FRMD4A: variants seen among roughly 807,000 people sequenced by gnomAD.
The protein encoded by FRMD4A is FERM domain-containing protein 4A.
A neutral mutation model predicts 129.1 loss-of-function variants in FRMD4A; 29 were observed. The ratio of observed to expected loss-of-function variants is 0.22; its 90% CI spans 0.17 to 0.31. FRMD4A has a LOEUF of 0.31. FRMD4A is among the 10% of genes least tolerant of loss of function. The pLI, the probability that FRMD4A is intolerant of heterozygous loss-of-function variation, is 1.00. For missense variants in FRMD4A, 1,272 were observed against 1,375.8 expected (o/e 0.92, Z 1.19); for synonymous variants, 634 against 571.6 (o/e 1.11, Z -1.56).
chr10:13,766,729 A>G (rs983201250), intron 6 of FRMD4A, among the ~76,000 whole-genome samples: 2 of 152,082 alleles, frequency 1.3e-5, no homozygotes, highest in Non-Finnish European at 2.9e-5. Context: ...ACCACGATGG[A>G]GCAGAGCTCT....
intron 3 of FRMD4A, among the ~76,000 whole-genome samples, chr10:13,844,653 C>T (rs1170281013): frequency 6.6e-6 from 1 of 152,232 alleles, no homozygotes; most frequent in East Asian, 1.9e-4. Context: ...AATCCTCTTC[C>T]CTAAAAGAAA....
At chr10:13,890,749 T>C in intron 2 of FRMD4A, 1 of 985,334 alleles carries the variant, frequency 1.0e-6, no homozygotes. Flanking sequence ...AGGGAGTCCT[T>C]TGCGGGCATT....
At chr10:13,946,014 C>T (rs1416506581) in intron 2 of FRMD4A, among the ~76,000 whole-genome samples, 1 of 152,190 alleles carries the variant, frequency 6.6e-6, no homozygotes, top group Non-Finnish European at 1.5e-5. Context: ...CAGAGCAATG[C>T]ACCAGCACGT....
At chr10:14,326,038 GT>G (rs1843260102) in intron 2 of FRMD4A, 1 of 152,098 alleles carries the variant, frequency 6.6e-6, no homozygotes, top group Non-Finnish European at 1.5e-5. Flanking sequence ...AATTTTTTAT[GT>G]TATAAAATAT....
chr10:13,904,300 G>A (rs889726264), intron 2 of FRMD4A, among the ~76,000 whole-genome samples: 1 of 152,102 alleles, frequency 6.6e-6, no homozygotes, highest in African/African-American at 2.4e-5. Context: ...GCTTTCGCAC[G>A]GCCGTACATC....
At chr10:14,033,449 A>C (rs1446732505) in intron 2 of FRMD4A, among the ~76,000 whole-genome samples, 2 of 152,096 alleles carry the variant, frequency 1.3e-5, no homozygotes, top group Admixed American at 6.6e-5. Context: ...AGCTAATGTC[A>C]AGGAACCAAC....
chr10:13,990,522 A>G (rs746369238), intron 2 of FRMD4A, among the ~76,000 whole-genome samples: 42 of 152,246 alleles, frequency 2.8e-4, no homozygotes, highest in Non-Finnish European at 5.0e-4. Flanking sequence ...ATGTAACTTG[A>G]TATCTGCTCC....
chr10:13,910,573 C>A (rs12360235), intron 2 of FRMD4A, among the ~76,000 whole-genome samples: 2 of 152,204 alleles, frequency 1.3e-5, no homozygotes, highest in African/African-American at 4.8e-5. Context: ...TAACTTGGTT[C>A]TTCACCCTGC....
At chr10:13,912,345 G>C (rs1235945060) in intron 2 of FRMD4A, among the ~76,000 whole-genome samples, 1 of 152,072 alleles carries the variant, frequency 6.6e-6, no homozygotes, top group African/African-American at 2.4e-5. Context: ...AACACAGAGG[G>C]ACCATGTGAC....
At chr10:14,219,396 C>T (rs1843176145) in intron 2 of FRMD4A, among the ~76,000 whole-genome samples, 1 of 152,158 alleles carries the variant, frequency 6.6e-6, no homozygotes, top group African/African-American at 2.4e-5. Flanking sequence ...CCACAACCTC[C>T]CACAAATATT....
chr10:14,218,293 T>C (rs1843136483), intron 2 of FRMD4A, among the ~76,000 whole-genome samples: 1 of 152,190 alleles, frequency 6.6e-6, no homozygotes, highest in African/African-American at 2.4e-5. Context: ...GCAGAGAAGG[T>C]AACTGAGGAA....
At chr10:14,215,798 G>A (rs1322806568) in intron 2 of FRMD4A, among the ~76,000 whole-genome samples, 1 of 152,078 alleles carries the variant, frequency 6.6e-6, no homozygotes, top group Non-Finnish European at 1.5e-5. Flanking sequence ...ACCCAAGAAC[G>A]AGGAAAGCCT....
chr10:14,112,301 T>A (rs1447827672), intron 2 of FRMD4A, among the ~76,000 whole-genome samples: 1 of 133,330 alleles, frequency 7.5e-6, no homozygotes, highest in African/African-American at 2.8e-5. Context: ...GTAACATGAT[T>A]AATGTGGCAT....
intron 2 of FRMD4A, among the ~76,000 whole-genome samples, chr10:14,091,426 GGTTTT>G (rs3033944): frequency 7.2e-5 from 11 of 152,002 alleles, no homozygotes; most frequent in Non-Finnish European, 1.2e-4. Context: ...TTAGTTTTTT[GGTTTT>G]GTTTTGTTTT....
At chr10:13,788,108 T>C (rs1835649141) in intron 5 of FRMD4A, among the ~76,000 whole-genome samples, 1 of 152,160 alleles carries the variant, frequency 6.6e-6, no homozygotes, top group Non-Finnish European at 1.5e-5. Context: ...GGCTTTATGA[T>C]GCTTGGATGT....
intron 2 of FRMD4A, among the ~76,000 whole-genome samples, chr10:14,157,161 C>A (rs914595029): frequency 6.6e-6 from 1 of 152,142 alleles, no homozygotes; most frequent in Non-Finnish European, 1.5e-5. Context: ...AGGGGAATAG[C>A]CCATACATCA....
At chr10:14,016,020 T>G (rs17315399) in intron 2 of FRMD4A, among the ~76,000 whole-genome samples, 62,545 of 152,108 alleles carry the variant, frequency 0.41, 14,285 homozygotes, top group Non-Finnish European at 0.53. Flanking sequence ...GGATGCAAGA[T>G]AACTTTTGCT....
chr10:14,035,903 G>A lies in FRMD4A; in HGVS notation c.46-176991C>T, dbSNP rs189988347. The stretch of plus-strand genomic sequence containing the variant: ...GCCAAAATACAAAAATTAGCCAGGC[G>A]TGGTGGTTGGCGCCTGTAATCCCAG... On this transcript the variant is annotated intron_variant, in intron 2 of 24. Transcript: ENST00000357447. 1.5e-3 allele frequency among the ~76,000 whole-genome samples: 223 copies of A among 152,178 alleles called. 1 individual carries two copies. Among genetic ancestry groups the A allele is most frequent in the African/African-American group, 5.2e-3 (214 of 41,516 alleles).
At chr10:14,126,169 C>CTTTTTTTTT (rs55649566) in intron 2 of FRMD4A, among the ~76,000 whole-genome samples, 2 of 122,382 alleles carry the variant, frequency 1.6e-5, no homozygotes, top group Non-Finnish European at 3.3e-5. Flanking sequence ...ACCTTGCCCA[C>CTTTTTTTTT]TTTTTTTTTT....
Sources: allele counts gnomAD v4.1 joint callset (sites outside exome capture counted in the v4.1 genomes callset), GRCh38; gene constraint gnomAD v4.1.1; transcripts MANE v1.5; gene names NCBI Gene and HGNC (gene_info 2026-07-23, HGNC 2026-07-21).